Variants in SGCZ observed in about 807,000 individuals in gnomAD.
SGCZ encodes sarcoglycan zeta.
SGCZ carries 40 observed loss-of-function variants against 41.3 expected under a neutral mutation model. That is an observed-to-expected ratio of 0.97 (90% CI 0.75 to 1.26). The LOEUF is 1.26. Among genes scored for constraint, SGCZ ranks in the 50% most tolerant of loss-of-function variants. SGCZ has a pLI of 0.00. For missense variants in SGCZ, 552 were observed against 369.8 expected (o/e 1.49, Z -4.04); for synonymous variants, 206 against 137.5 (o/e 1.50, Z -3.49).
chr8:14,330,208 T>C (rs2117048974), intron 2 of SGCZ, among the ~76,000 whole-genome samples: 1 of 152,288 alleles, frequency 6.6e-6, no homozygotes, highest in Admixed American at 6.5e-5. Context: ...AAGTTTATGA[T>C]CAATCTTATT....
chr8:14,530,808 C>A (rs886474093), intron 2 of SGCZ, among the ~76,000 whole-genome samples: 1 of 152,058 alleles, frequency 6.6e-6, no homozygotes. Context: ...AATAGTGACA[C>A]CACATCTCTT....
intron 1 of SGCZ, among the ~76,000 whole-genome samples, chr8:14,972,681 G>T (rs947321348): frequency 6.6e-6 from 1 of 152,066 alleles, no homozygotes; most frequent in African/African-American, 2.4e-5. Context: ...TTTAGAGGCT[G>T]CTCTAAAGTT....
chr8:14,388,853 A>C (rs1001978200), intron 2 of SGCZ, among the ~76,000 whole-genome samples: 2 of 152,002 alleles, frequency 1.3e-5, no homozygotes, highest in Non-Finnish European at 2.9e-5. Flanking sequence ...AAAAAAAAGA[A>C]AATGAAGCAC....
intron 2 of SGCZ, among the ~76,000 whole-genome samples, chr8:14,551,562 T>TATATAATATATA (rs1563404771): frequency 1.2e-4 from 2 of 17,014 alleles, no homozygotes; most frequent in South Asian, 1.3e-3. Context: ...ATATATATTA[T>TATATAATATATA]ATATATAATA....
chr8:14,765,822 A>C (rs1800018188), intron 1 of SGCZ, among the ~76,000 whole-genome samples: 1 of 152,222 alleles, frequency 6.6e-6, no homozygotes, highest in South Asian at 2.1e-4. Flanking sequence ...CACAGCCTGC[A>C]AAAAAGTTAA....
intron 2 of SGCZ, among the ~76,000 whole-genome samples, chr8:14,443,282 A>C (rs1307680120): frequency 3.3e-5 from 5 of 152,160 alleles, no homozygotes; most frequent in East Asian, 1.9e-4. Flanking sequence ...GCTACCAGTG[A>C]CTTTCTTCAC....
chr8:14,783,575 T>C (rs1189309227), intron 1 of SGCZ, among the ~76,000 whole-genome samples: 2 of 148,222 alleles, frequency 1.3e-5, no homozygotes, highest in Non-Finnish European at 3.0e-5. Flanking sequence ...TATAACATAA[T>C]AATTTTTTTT....
At chr8:14,977,456 T>G (rs1192673839) in intron 1 of SGCZ, among the ~76,000 whole-genome samples, 2 of 152,196 alleles carry the variant, frequency 1.3e-5, no homozygotes. Flanking sequence ...GCTTTATCAT[T>G]TTATCTAACT....
At chr8:14,415,704 T>C (rs1414434919) in intron 2 of SGCZ, among the ~76,000 whole-genome samples, 1 of 151,934 alleles carries the variant, frequency 6.6e-6, no homozygotes, top group African/African-American at 2.4e-5. Context: ...TTTAGATATT[T>C]CCTTGGAATA....
chr8:14,892,797 T>A (rs1285533990), intron 1 of SGCZ, among the ~76,000 whole-genome samples: 1 of 152,190 alleles, frequency 6.6e-6, no homozygotes. Context: ...GCTGGTGGAT[T>A]GTACCCATTT....
At chr8:14,371,494 T>C (rs1330489717) in intron 2 of SGCZ, among the ~76,000 whole-genome samples, 1 of 151,362 alleles carries the variant, frequency 6.6e-6, no homozygotes, top group African/African-American at 2.4e-5. Context: ...CCACACTAAT[T>C]TTATCCTAAA....
intron 1 of SGCZ, among the ~76,000 whole-genome samples, chr8:15,014,249 A>G (rs2130931257): frequency 6.6e-6 from 1 of 152,292 alleles, no homozygotes; most frequent in Middle Eastern, 3.4e-3. Flanking sequence ...TGGCTCAGCC[A>G]TTCTGTAAAC....
intron 1 of SGCZ, among the ~76,000 whole-genome samples, chr8:14,684,896 A>G (rs1379470483): frequency 6.6e-6 from 1 of 152,154 alleles, no homozygotes; most frequent in East Asian, 1.9e-4. Flanking sequence ...TTATCTGTGC[A>G]GGTCGTAATT....
At chr8:14,218,237 G>A (rs1806068688) in intron 4 of SGCZ, among the ~76,000 whole-genome samples, 1 of 152,136 alleles carries the variant, frequency 6.6e-6, no homozygotes. Flanking sequence ...TAAAATGTAT[G>A]TGTATTTCTA....
At chr8:14,195,984 G>A (rs1247107735) in intron 4 of SGCZ, among the ~76,000 whole-genome samples, 1 of 152,082 alleles carries the variant, frequency 6.6e-6, no homozygotes, top group African/African-American at 2.4e-5. Context: ...GTGACCACCT[G>A]AGTAAACACA....
At chr8:14,902,887 A>G (rs1254323941) in intron 1 of SGCZ, among the ~76,000 whole-genome samples, 3 of 152,120 alleles carry the variant, frequency 2.0e-5, no homozygotes, top group Non-Finnish European at 4.4e-5. Context: ...ATTTATTTCT[A>G]ATGAATATAC....
intron 1 of SGCZ, among the ~76,000 whole-genome samples, chr8:14,561,703 T>C (rs1804211829): frequency 6.6e-6 from 1 of 152,182 alleles, no homozygotes; most frequent in South Asian, 2.1e-4. Context: ...GCATTGCTTA[T>C]ATTACTTTAA....
chr8:14,333,483 A>G (rs1363189500), intron 2 of SGCZ, among the ~76,000 whole-genome samples: 3 of 152,152 alleles, frequency 2.0e-5, no homozygotes, highest in Non-Finnish European at 4.4e-5. Context: ...GTCTTTCCCA[A>G]CTGTGCTTAA....
intron 1 of SGCZ, among the ~76,000 whole-genome samples, chr8:14,935,108 A>G (rs1800042311): frequency 6.6e-6 from 1 of 151,706 alleles, no homozygotes; most frequent in Admixed American, 6.6e-5. Context: ...AATAAAACAC[A>G]AAAAGTGCAA....
Sources: allele counts gnomAD v4.1 joint callset (sites outside exome capture counted in the v4.1 genomes callset), GRCh38; gene constraint gnomAD v4.1.1; transcripts MANE v1.5; gene names NCBI Gene and HGNC (gene_info 2026-07-23, HGNC 2026-07-21).